CERS3: variants seen among roughly 807,000 people sequenced by gnomAD.
The protein encoded by CERS3 is ceramide synthase 3.
Under a neutral mutation model 50.3 loss-of-function variants are expected in CERS3, and 33 were observed. That is an observed-to-expected ratio of 0.66 (90% CI 0.50 to 0.88). CERS3 has a LOEUF of 0.88. Among genes scored for constraint, CERS3 ranks in the 40% least tolerant of loss-of-function variants. The probability of loss-of-function intolerance (pLI) is 0.00; values close to 1 mark genes in which losing one functional copy is unlikely to be tolerated. For synonymous variants in CERS3, 176 were observed against 155.2 expected (o/e 1.13, Z -0.99); for missense variants, 470 against 460.3 (o/e 1.02, Z -0.19).
chr15:100,497,870 CACACACACACACACACACACACACA>C (rs1567663304), intron 3 of CERS3, among the ~76,000 whole-genome samples: 34 of 76,048 alleles, frequency 4.5e-4, no homozygotes, highest in Non-Finnish European at 3.8e-4. Context: ...CACACACACA[CACACACACACACACACACACACACA>C]CTTTTTTTTT....
In CERS3 at chr15:100,467,855, A is replaced by ATAGATAGAT. The variant is rs2034827175; in HGVS notation, c.845+1514_845+1522dup. On this transcript the variant is annotated intron_variant, in intron 10 of 11. Transcript: ENST00000679737. ...TATACGTGTATATATATATATATAG[A>ATAGATAGAT]TAGATAGATAGATAGATAGATAGAT... Among the ~76,000 whole-genome samples, 6 of 47,356 alleles carry ATAGATAGAT rather than the reference A, an allele frequency of 1.3e-4. 1 individual carries two copies. Among genetic ancestry groups the ATAGATAGAT allele is most frequent in the Admixed American group, 1.2e-3 (6 of 4,948 alleles). 31.1% of individuals were successfully genotyped at this position (47,356 alleles called of 152,430 possible).
At chr15:100,538,986 T>C (rs1012080056) in intron 1 of CERS3, among the ~76,000 whole-genome samples, 3 of 152,170 alleles carry the variant, frequency 2.0e-5, no homozygotes, top group African/African-American at 7.2e-5. Flanking sequence ...ACTTTACTTT[T>C]GAGAAATTTC....
At chr15:100,501,353 C>T (rs753122335) in intron 3 of CERS3, among the ~76,000 whole-genome samples, 3 of 152,132 alleles carry the variant, frequency 2.0e-5, no homozygotes, top group Non-Finnish European at 4.4e-5. Flanking sequence ...TGTCAGACAC[C>T]GTGGAAGAGT....
At chr15:100,423,673 A>C (rs1267549278) in intron 11 of CERS3, among the ~76,000 whole-genome samples, 1 of 152,164 alleles carries the variant, frequency 6.6e-6, no homozygotes, top group Non-Finnish European at 1.5e-5. Flanking sequence ...CTGGGTGACA[A>C]AATCATTTGT....
intron 11 of CERS3, among the ~76,000 whole-genome samples, chr15:100,429,055 G>A (rs1478869419): frequency 1.3e-5 from 2 of 152,216 alleles, no homozygotes; most frequent in Non-Finnish European, 2.9e-5. Context: ...CCCCAGGTGA[G>A]GCCTCAAATA....
chr15:100,460,263 C>T (rs1474523565), intron 10 of CERS3, among the ~76,000 whole-genome samples: 1 of 152,130 alleles, frequency 6.6e-6, no homozygotes, highest in Admixed American at 6.5e-5. Context: ...TGCATTTCCT[C>T]ATCTGTAAAA....
intron 11 of CERS3, among the ~76,000 whole-genome samples, chr15:100,446,013 C>T (rs2033921246): frequency 6.6e-6 from 1 of 152,180 alleles, no homozygotes; most frequent in South Asian, 2.1e-4. Context: ...CTTGTGACCC[C>T]CACTCCTGCC....
In CERS3 at chr15:100,541,793, TTAGA is replaced by T. The variant is rs146417253; in HGVS notation, c.-355+2854_-355+2857del. On this transcript the variant is annotated intron_variant, in intron 1 of 12. Transcript: ENST00000284382. ...AAAAAGTAGTAACATGTCACAATAT[TTAGA>T]TAAATAAATTATAACGTTCATTCAT... is the stretch of plus-strand genomic sequence containing the variant. Among the ~76,000 whole-genome samples the T allele has an allele frequency of 7.2e-3, 1,098 of 152,318 alleles. 17 individuals carry two copies. The highest frequency in any genetic ancestry group is 0.025 in the African/African-American group (1,055 of 41,580).
intron 2 of CERS3, among the ~76,000 whole-genome samples, chr15:100,507,058 G>A (rs2036206515): frequency 6.6e-6 from 1 of 152,214 alleles, no homozygotes; most frequent in East Asian, 1.9e-4. Context: ...GCAGCTGCCT[G>A]TTCTTCATTT....
intron 11 of CERS3, among the ~76,000 whole-genome samples, chr15:100,449,359 T>C (rs2034068810): frequency 6.6e-6 from 1 of 152,186 alleles, no homozygotes; most frequent in Admixed American, 6.5e-5. Context: ...CCATTGCCCA[T>C]GCCACAGCTT....
chr15:100,510,692 A>T (rs1368230805), intron 2 of CERS3, among the ~76,000 whole-genome samples: 1 of 152,092 alleles, frequency 6.6e-6, no homozygotes, highest in African/African-American at 2.4e-5. Context: ...CTCCCTAAAG[A>T]CCAAGCTGCA....
intron 5 of CERS3, among the ~76,000 whole-genome samples, chr15:100,482,376 T>C (rs1055534465): frequency 4.6e-5 from 7 of 152,034 alleles, no homozygotes; most frequent in Admixed American, 3.9e-4. Flanking sequence ...GAGACACTGC[T>C]GGGGCCAGAT....
intron 3 of CERS3, among the ~76,000 whole-genome samples, chr15:100,497,102 T>C (rs955657594): frequency 2.0e-5 from 3 of 152,166 alleles, no homozygotes; most frequent in Non-Finnish European, 4.4e-5. Flanking sequence ...GTGATACCTG[T>C]ACATGAAGCA....
chr15:100,536,129 G>A (rs549275085), intron 1 of CERS3, among the ~76,000 whole-genome samples: 1 of 109,160 alleles, frequency 9.2e-6, no homozygotes, highest in Non-Finnish European at 2.0e-5. Context: ...ATATGTGCAC[G>A]GGAAGTGGGG....
At position 100,445,665 on chromosome 15, in the gene CERS3, C is replaced by T. The variant is rs370556203; in HGVS notation, c.999+10228G>A. On this transcript the variant is annotated intron_variant, in intron 11 of 11. Coordinates refer to ENST00000679737, the MANE Select transcript of CERS3 (RefSeq NM_001378789.1). Reference sequence around the variant, plus strand: ...TCTCTCCCACTCTAGGTTCCCACGCCGCCCCTAATCCCACTCGAAGCAGCC... The same window carrying T: ...TCTCTCCCACTCTAGGTTCCCACGCTGCCCCTAATCCCACTCGAAGCAGCC... Among the ~76,000 whole-genome samples the T allele has an allele frequency of 2.3e-4, 35 of 152,300 alleles. 1 individual carries two copies. The East Asian group carries it at 3.1e-3, about 13-fold the overall frequency.
chr15:100,511,214 T>C (rs2142359183), intron 2 of CERS3, among the ~76,000 whole-genome samples: 1 of 152,176 alleles, frequency 6.6e-6, no homozygotes, highest in South Asian at 2.1e-4. Flanking sequence ...TCTTGAACCC[T>C]GGAGGCGGAG....
At chr15:100,425,860 G>T (rs1207332063) in intron 11 of CERS3, 4 of 151,922 alleles carry the variant, frequency 2.6e-5, no homozygotes, top group Non-Finnish European at 4.4e-5. Flanking sequence ...GGAGGGGCCT[G>T]GTGGGAGGTG....
At chr15:100,509,660 A>AATTTC (rs1426383352) in intron 2 of CERS3, among the ~76,000 whole-genome samples, 1 of 152,184 alleles carries the variant, frequency 6.6e-6, no homozygotes, top group Non-Finnish European at 1.5e-5. Flanking sequence ...AGAGCTTTTG[A>AATTTC]AGGTCAGGTG....
At chr15:100,423,511 T>C (rs1596634218) in intron 11 of CERS3, among the ~76,000 whole-genome samples, 1 of 152,098 alleles carries the variant, frequency 6.6e-6, no homozygotes, top group South Asian at 2.1e-4. Context: ...AGTAAATTAA[T>C]GCAGGAGCAG....
Sources: allele counts gnomAD v4.1 joint callset (sites outside exome capture counted in the v4.1 genomes callset), GRCh38; gene constraint gnomAD v4.1.1; transcripts MANE v1.5; gene names NCBI Gene and HGNC (gene_info 2026-07-23, HGNC 2026-07-21).